B3GALT1: variants seen among roughly 807,000 people sequenced by gnomAD.
B3GALT1 encodes beta-1,3-galactosyltransferase 1.
B3GALT1 carries 10 observed loss-of-function variants against 23.2 expected under a neutral mutation model. The ratio of observed to expected loss-of-function variants is 0.43; its 90% CI spans 0.27 to 0.73. The LOEUF (loss-of-function observed/expected upper bound fraction) is 0.73, where lower values mean the gene tolerates loss of function less well. Among genes scored for constraint, B3GALT1 ranks in the 30% least tolerant of loss-of-function variants. The pLI, the probability that B3GALT1 is intolerant of heterozygous loss-of-function variation, is 0.21. For missense variants in B3GALT1, 299 were observed against 405.4 expected, an observed-to-expected ratio of 0.74 and a Z score of 2.25; for synonymous variants, 156 against 141.5, an observed-to-expected ratio of 1.10 and a Z score of -0.73.
intron 3 of B3GALT1, among the ~76,000 whole-genome samples, chr2:167,694,376 T>A (rs73971226): frequency 2.0e-5 from 3 of 152,064 alleles, no homozygotes; most frequent in Non-Finnish European, 4.4e-5. Context: ...TATTTTTGGC[T>A]TATACCTCAA....
At chr2:167,538,282 G>A (rs1043310686) in intron 2 of B3GALT1, among the ~76,000 whole-genome samples, 1 of 152,036 alleles carries the variant, frequency 6.6e-6, no homozygotes, top group Non-Finnish European at 1.5e-5. Context: ...AAACAAACTT[G>A]GTTTAGCTGA....
intron 2 of B3GALT1, among the ~76,000 whole-genome samples, chr2:167,527,649 T>TA (rs1683244612): frequency 6.6e-6 from 1 of 152,224 alleles, no homozygotes; most frequent in African/African-American, 2.4e-5. Context: ...TTTGACTCCA[T>TA]ATTGCATGCT....
intron 3 of B3GALT1, among the ~76,000 whole-genome samples, chr2:167,721,649 C>A (rs753454139): frequency 1.3e-4 from 20 of 152,154 alleles, no homozygotes; most frequent in Admixed American, 7.2e-4. Context: ...CGCCAGGGCA[C>A]AAAGCCAGTG....
chr2:167,410,089 T>C (rs1698367062), intron 1 of B3GALT1, among the ~76,000 whole-genome samples: 1 of 152,130 alleles, frequency 6.6e-6, no homozygotes, highest in Non-Finnish European at 1.5e-5. Flanking sequence ...TGGAATACTA[T>C]GCAGCCATAA....
At chr2:167,456,847 T>G (rs367560643) in intron 1 of B3GALT1, among the ~76,000 whole-genome samples, 12 of 152,278 alleles carry the variant, frequency 7.9e-5, no homozygotes, top group East Asian at 5.8e-4. Flanking sequence ...CCAGGTACTC[T>G]CCAAACTCCA....
At chr2:167,475,750 C>T (rs1363745165) in intron 1 of B3GALT1, among the ~76,000 whole-genome samples, 1 of 152,038 alleles carries the variant, frequency 6.6e-6, no homozygotes, top group East Asian at 1.9e-4. Flanking sequence ...CGGGCTCAAA[C>T]AGTAGAAATT....
At chr2:167,664,668 G>C (rs1043977372) in intron 3 of B3GALT1, among the ~76,000 whole-genome samples, 1 of 152,172 alleles carries the variant, frequency 6.6e-6, no homozygotes, top group African/African-American at 2.4e-5. Context: ...TCCTTAAAGA[G>C]ATCCTTCACA....
At chr2:167,443,451 T>C (rs200748210) in intron 1 of B3GALT1, among the ~76,000 whole-genome samples, 3 of 152,212 alleles carry the variant, frequency 2.0e-5, no homozygotes, top group Admixed American at 6.5e-5. Context: ...ATTGAATCTA[T>C]AAATTACCTT....
chr2:167,632,360 G>A (rs1241521260), intron 2 of B3GALT1, among the ~76,000 whole-genome samples: 2 of 152,038 alleles, frequency 1.3e-5, no homozygotes, highest in African/African-American at 4.8e-5. Context: ...GATCCTTGAG[G>A]AATAGCCACA....
intron 4 of B3GALT1, among the ~76,000 whole-genome samples, chr2:167,839,699 A>G (rs1323134034): frequency 1.3e-5 from 2 of 152,224 alleles, no homozygotes; most frequent in African/African-American, 2.4e-5. Flanking sequence ...ATATGGAACC[A>G]AAAAAGAGCC....
chr2:167,586,323 G>A (rs1266278498), intron 2 of B3GALT1, among the ~76,000 whole-genome samples: 1 of 151,944 alleles, frequency 6.6e-6, no homozygotes, highest in Non-Finnish European at 1.5e-5. Flanking sequence ...TCTTTGAGAT[G>A]GAGTCTTGCT....
At chr2:167,437,253 G>A (rs1698801672) in intron 1 of B3GALT1, among the ~76,000 whole-genome samples, 1 of 152,310 alleles carries the variant, frequency 6.6e-6, no homozygotes, top group East Asian at 1.9e-4. Flanking sequence ...GCTTAGGCCT[G>A]AAAGGTGAAA....
intron 3 of B3GALT1, among the ~76,000 whole-genome samples, chr2:167,786,401 CTG>C (rs1168410871): frequency 6.6e-6 from 1 of 152,192 alleles, no homozygotes; most frequent in Non-Finnish European, 1.5e-5. Context: ...TTGGTAGCTA[CTG>C]TGTTCATTTT....
chr2:167,748,512 T>C (rs528423092), intron 3 of B3GALT1, among the ~76,000 whole-genome samples: 2 of 152,034 alleles, frequency 1.3e-5, no homozygotes, highest in African/African-American at 4.8e-5. Context: ...TAAAGTAGGG[T>C]TGGGGGTTGA....
intron 2 of B3GALT1, among the ~76,000 whole-genome samples, chr2:167,572,551 T>C (rs1684313499): frequency 6.6e-6 from 1 of 151,780 alleles, no homozygotes; most frequent in Non-Finnish European, 1.5e-5. Flanking sequence ...ATTTTAGCCA[T>C]GTCTCACCAA....
chr2:167,799,107 C>T lies in B3GALT1; in HGVS notation c.-351-19565C>T, dbSNP rs377565804. On this transcript the variant is annotated intron_variant, in intron 3 of 4. Transcript: ENST00000392690. Reference sequence around the variant, plus strand: ...GTGAGTACCCTCTTATTTATGTTGCCATAGATACCATTTCCTTAATATAGT... The same window carrying T: ...GTGAGTACCCTCTTATTTATGTTGCTATAGATACCATTTCCTTAATATAGT... Among the ~76,000 whole-genome samples, 55 of 152,248 alleles carry T rather than the reference C, an allele frequency of 3.6e-4. No homozygotes were observed. The South Asian group carries it at 5.0e-3, about 14-fold the overall frequency.
At chr2:167,572,235 A>G (rs1329749355) in intron 2 of B3GALT1, among the ~76,000 whole-genome samples, 1 of 151,842 alleles carries the variant, frequency 6.6e-6, no homozygotes, top group Non-Finnish European at 1.5e-5. Context: ...TCTGCTTGCT[A>G]GTAAATTCCT....
intron 2 of B3GALT1, among the ~76,000 whole-genome samples, chr2:167,589,120 A>AT (rs1684630385): frequency 1.3e-5 from 2 of 151,996 alleles, no homozygotes; most frequent in Admixed American, 6.6e-5. Flanking sequence ...TTTTAAAATT[A>AT]TTTTTTGTAG....
intron 2 of B3GALT1, among the ~76,000 whole-genome samples, chr2:167,640,059 A>G (rs911160568): frequency 6.6e-6 from 1 of 152,142 alleles, no homozygotes; most frequent in Non-Finnish European, 1.5e-5. Context: ...ATAGTTTTGT[A>G]TAATATGATG....
Sources: gnomAD v4.1 joint callset for allele counts (sites outside exome capture counted in the v4.1 genomes callset) on GRCh38, gnomAD v4.1.1 for gene constraint, MANE v1.5 for transcripts, NCBI Gene and HGNC (gene_info 2026-07-23, HGNC 2026-07-21) for gene names.